The following ZNF385C variants were observed in gnomAD, a reference collection of about 807,000 sequenced individuals.
The protein encoded by ZNF385C is CTD-2132N18.2.
Under a neutral mutation model 35.4 loss-of-function variants are expected in ZNF385C, and 28 were observed. The observed-to-expected ratio is 0.79, with a 90% CI of 0.59 to 1.08. The LOEUF (loss-of-function observed/expected upper bound fraction) is 1.08. Ranked by LOEUF, ZNF385C falls within the 50% of genes least tolerant of loss-of-function variation. The probability of loss-of-function intolerance (pLI) is 0.00; values close to 1 mark genes in which losing one functional copy is unlikely to be tolerated. For synonymous variants in ZNF385C, 248 were observed against 248.2 expected (o/e 1.00, Z 0.01); for missense variants, 605 against 595.6 (o/e 1.02, Z -0.16).
chr17:42,040,239 C>T, intron 2 of ZNF385C: 1 of 1,231,584 alleles, frequency 8.1e-7, no homozygotes. Context: ...GGCCCTTCCG[C>T]ATGGAGTCCA....
At chr17:42,046,039 C>A (rs2053153345) in intron 2 of ZNF385C, among the ~76,000 whole-genome samples, 1 of 152,218 alleles carries the variant, frequency 6.6e-6, no homozygotes, top group African/African-American at 2.4e-5. Flanking sequence ...CTTACTAATT[C>A]CCACTCATTG....
chr17:42,037,321 C>T (rs1285420949), intron 3 of ZNF385C, among the ~76,000 whole-genome samples: 1 of 152,018 alleles, frequency 6.6e-6, no homozygotes, highest in Non-Finnish European at 1.5e-5. Context: ...AACACACAAA[C>T]TCACATCCAC....
chr17:42,032,375 G>A (rs2052750857), intron 4 of ZNF385C, among the ~76,000 whole-genome samples: 1 of 151,966 alleles, frequency 6.6e-6, no homozygotes, highest in Non-Finnish European at 1.5e-5. Flanking sequence ...TACATCTTTA[G>A]GCAAGTAACA....
chr17:42,067,018 G>A (rs2053557255), intron 1 of ZNF385C, among the ~76,000 whole-genome samples: 2 of 152,052 alleles, frequency 1.3e-5, no homozygotes, highest in South Asian at 2.1e-4. Flanking sequence ...GCAGTGAGTC[G>A]AGATCGTGCC....
At chr17:42,059,744 C>T (rs1359250963) in intron 2 of ZNF385C, among the ~76,000 whole-genome samples, 4 of 152,220 alleles carry the variant, frequency 2.6e-5, no homozygotes, top group African/African-American at 4.8e-5. Flanking sequence ...GACTCAGCCT[C>T]GCCAGTAACT....
At chr17:42,097,687 G>C (rs1555661071) in intron 1 of ZNF385C, among the ~76,000 whole-genome samples, 2 of 152,166 alleles carry the variant, frequency 1.3e-5, no homozygotes, top group East Asian at 3.9e-4. Flanking sequence ...AGGCTTCCTC[G>C]AGGTCCTGGG....
intron 3 of ZNF385C, among the ~76,000 whole-genome samples, chr17:42,035,651 A>G (rs2052838812): frequency 6.7e-6 from 1 of 149,154 alleles, no homozygotes; most frequent in Non-Finnish European, 1.5e-5. Flanking sequence ...TCTCAGGTTC[A>G]AGTGATTCTG....
chr17:42,043,182 A>T (rs2053067803), intron 2 of ZNF385C: 1 of 1,232,198 alleles, frequency 8.1e-7, no homozygotes, highest in East Asian at 3.2e-5. Context: ...CTGTGCCCAC[A>T]GTGAAGGCGT....
At chr17:42,031,929 T>C in intron 4 of ZNF385C, 145 bp from the exon 5 acceptor site, 1 of 887,786 alleles carries the variant, frequency 1.1e-6, no homozygotes. Context: ...GTCATCATCA[T>C]CACCATAGCA....
intron 2 of ZNF385C, chr17:42,039,530 C>T: frequency 2.5e-6 from 1 of 402,520 alleles, no homozygotes; most frequent in Non-Finnish European, 3.5e-6. Flanking sequence ...CCTTCCTCCA[C>T]AGCCCACAGG....
chr17:42,053,426 C>G (rs1387370865), intron 2 of ZNF385C, among the ~76,000 whole-genome samples: 1 of 152,066 alleles, frequency 6.6e-6, no homozygotes, highest in African/African-American at 2.4e-5. Flanking sequence ...GTCTGCTTCC[C>G]TCTCTTTCTG....
At position 42,026,748 on chromosome 17, in the gene ZNF385C, C is replaced by T; in HGVS notation, c.*149G>A. The T allele has an allele frequency of 1.3e-6, 1 of 785,174 alleles. No homozygotes were observed. Among genetic ancestry groups the T allele is most frequent in the Non-Finnish European group, 2.2e-6 (1 of 459,962 alleles). 48.6% of individuals were successfully genotyped at this position (785,174 alleles called of 1,614,324 possible). ...GGGGACAGTCCTTGGAAGGCAGCTGCCCTTAAAACTAGCCCAGCTCTTTCT... is the reference window on the plus strand; with the variant it reads ...GGGGACAGTCCTTGGAAGGCAGCTGTCCTTAAAACTAGCCCAGCTCTTTCT... On this transcript the variant is annotated 3_prime_UTR_variant, in exon 9 of 9. Transcript: ENST00000692273.
chr17:42,062,920 TCA>T lies in ZNF385C; in HGVS notation c.135_136del (p.Cys45Ter). 2 of 694,866 alleles carry T rather than the reference TCA, an allele frequency of 2.9e-6. No homozygotes were observed. Among genetic ancestry groups the T allele is most frequent in the South Asian group, 3.0e-5 (2 of 66,558 alleles). The allele number at this position is 694,866 out of a possible 1,614,324, so 43.0% of individuals were successfully genotyped here. On this transcript the variant is annotated stop_gained and frameshift_variant, in exon 2 of 9. Coordinates refer to ENST00000692273, the MANE Select transcript of ZNF385C (RefSeq NM_001392013.1). LOFTEE classifies it high-confidence loss of function. ...CGAGTTCAGCTGGATGTTGCAGACATCACAGAGCGTGTACGATGGCCGCTTTC... is the reference window on the plus strand; with the variant it reads ...CGAGTTCAGCTGGATGTTGCAGACATCAGAGCGTGTACGATGGCCGCTTTC...
At chr17:42,075,143 T>C (rs1382108857) in intron 1 of ZNF385C, among the ~76,000 whole-genome samples, 5 of 152,190 alleles carry the variant, frequency 3.3e-5, no homozygotes, top group African/African-American at 9.7e-5. Context: ...TTCTCCCAGC[T>C]AAAGAGACCC....
chr17:42,031,781 G>C lies in ZNF385C; in HGVS notation c.514C>G (p.Gln172Glu). The C allele has an allele frequency of 6.4e-7, 1 of 1,550,692 alleles. No homozygotes were observed. Among genetic ancestry groups the C allele is most frequent in the Middle Eastern group, 1.7e-4 (1 of 5,954 alleles). Residue 172 changes from glutamine (Q) to glutamate (E), a missense_variant, in exon 5 of 9, where the codon CAG becomes GAG. Transcript: ENST00000692273. ...TGGCCTTTATAATGTGCCTCGGCCTGGTTCTGGGGAGGGGAGGGCAAGAGG... is the reference window on the plus strand; with the variant it reads ...TGGCCTTTATAATGTGCCTCGGCCTCGTTCTGGGGAGGGGAGGGCAAGAGG... ...ICHLRFNSAN[Q>E]AEAHYKGHKH...
At chr17:42,049,677 T>G (rs1287511167) in intron 2 of ZNF385C, among the ~76,000 whole-genome samples, 1 of 152,264 alleles carries the variant, frequency 6.6e-6, no homozygotes, top group Non-Finnish European at 1.5e-5. Flanking sequence ...GATGCCCTTC[T>G]GGAATTTTGT....
chr17:42,086,903 A>G (rs2053815511), intron 1 of ZNF385C, among the ~76,000 whole-genome samples: 1 of 142,000 alleles, frequency 7.0e-6, no homozygotes, highest in Non-Finnish European at 1.5e-5. Flanking sequence ...ATCTTGGCTC[A>G]CTGCAACCTC....
intron 1 of ZNF385C, among the ~76,000 whole-genome samples, chr17:42,075,808 CTT>C (rs1361761737): frequency 6.6e-6 from 1 of 152,146 alleles, no homozygotes; most frequent in African/African-American, 2.4e-5. Context: ...CCTCTAAACT[CTT>C]TTAGGCTTTT....
At chr17:42,028,623 T>C (rs2052653382) in intron 6 of ZNF385C, 160 bp downstream of exon 6, 11 of 909,622 alleles carry the variant, frequency 1.2e-5, no homozygotes, top group Admixed American at 5.8e-5. Context: ...CAAGGAGTAA[T>C]GGGAGGACCC....
Sources: gnomAD v4.1 joint callset for allele counts (sites outside exome capture counted in the v4.1 genomes callset) on GRCh38, gnomAD v4.1.1 for gene constraint, MANE v1.5 for transcripts, NCBI Gene and HGNC (gene_info 2026-07-23, HGNC 2026-07-21) for gene names.